The following PLCL2 variants were observed in gnomAD, a reference collection of about 807,000 sequenced individuals.
PLCL2 encodes phospholipase C like 2, also known as inactive phospholipase C-like protein 2.
In PLCL2, 4 loss-of-function variants were observed where a neutral mutation model predicts 79.6. The observed-to-expected ratio is 0.05, with a 90% confidence interval of 0.02 to 0.11. PLCL2 has a LOEUF of 0.11. Among genes scored for constraint, PLCL2 ranks in the 10% least tolerant of loss-of-function variants. PLCL2 has a pLI of 1.00. For synonymous variants in PLCL2, 484 were observed against 457.7 expected, an observed-to-expected ratio of 1.06 and a Z score of -0.73; for missense variants, 895 against 1,291.0, an observed-to-expected ratio of 0.69 and a Z score of 4.70.
At chr3:17,001,363 A>G (rs2064209298) in intron 1 of PLCL2, among the ~76,000 whole-genome samples, 2 of 151,984 alleles carry the variant, frequency 1.3e-5, no homozygotes, top group Admixed American at 1.3e-4. Context: ...TGTTTTTACA[A>G]ATGTAATCCC....
At chr3:17,013,184 C>T (rs898602507) in intron 2 of PLCL2, among the ~76,000 whole-genome samples, 1 of 152,262 alleles carries the variant, frequency 6.6e-6, no homozygotes. Context: ...GCGCATTGTC[C>T]ACTGCCCAGT....
At chr3:16,918,707 C>A (rs2124932988) in intron 1 of PLCL2, among the ~76,000 whole-genome samples, 1 of 152,242 alleles carries the variant, frequency 6.6e-6, no homozygotes. Flanking sequence ...AGTATAATGA[C>A]CTGGGCAAGG....
At chr3:16,974,589 G>A (rs1209726835) in intron 1 of PLCL2, among the ~76,000 whole-genome samples, 1 of 152,110 alleles carries the variant, frequency 6.6e-6, no homozygotes, top group Non-Finnish European at 1.5e-5. Flanking sequence ...ATGTCCAGGA[G>A]GCACCTTAAC....
intron 1 of PLCL2, chr3:16,933,262 C>G (rs1697452850): frequency 6.5e-6 from 1 of 154,806 alleles, no homozygotes; most frequent in South Asian, 2.0e-4. Flanking sequence ...TGCCACCTCT[C>G]CACAGCCTTG....
chr3:17,038,777 G>A (rs1316328057), intron 3 of PLCL2, among the ~76,000 whole-genome samples: 1 of 152,154 alleles, frequency 6.6e-6, no homozygotes, highest in Non-Finnish European at 1.5e-5. Context: ...GCACCTTTTA[G>A]GAGTTACAAA....
chr3:17,028,093 ACTC>A (rs1177427072), intron 3 of PLCL2, among the ~76,000 whole-genome samples: 2 of 152,122 alleles, frequency 1.3e-5, no homozygotes, highest in Admixed American at 6.6e-5. Context: ...TTTAAATAGT[ACTC>A]CTTCTCTCAG....
At chr3:16,927,624 A>T (rs1039552935) in intron 1 of PLCL2, among the ~76,000 whole-genome samples, 1 of 152,208 alleles carries the variant, frequency 6.6e-6, no homozygotes, top group Admixed American at 6.5e-5. Context: ...ACAATTTTGC[A>T]TTGATAATTA....
intron 5 of PLCL2, among the ~76,000 whole-genome samples, chr3:17,070,028 C>T (rs1264672567): frequency 6.6e-6 from 1 of 152,046 alleles, no homozygotes; most frequent in Non-Finnish European, 1.5e-5. Context: ...CAGATTAAGC[C>T]CTGTGGTAGG....
intron 1 of PLCL2, among the ~76,000 whole-genome samples, chr3:16,964,074 C>T (rs541019140): frequency 6.6e-6 from 1 of 151,904 alleles, no homozygotes; most frequent in African/African-American, 2.4e-5. Context: ...GCACAACGTG[C>T]AGGTTTGTTA....
chr3:17,044,324 T>C (rs887374853), intron 4 of PLCL2: 4 of 152,284 alleles, frequency 2.6e-5, no homozygotes, highest in African/African-American at 9.6e-5. Context: ...TAATCAGATT[T>C]GCACACATCA....
chr3:17,014,687 T>G (rs754667644), intron 2 of PLCL2, 21 bp from the exon 3 acceptor site: 10 of 1,582,630 alleles, frequency 6.3e-6, no homozygotes, highest in African/African-American at 1.3e-5. Flanking sequence ...TTACAAATGC[T>G]CCTTTCATTC....
chr3:16,991,076 C>T (rs970649180), intron 1 of PLCL2, among the ~76,000 whole-genome samples: 2 of 152,136 alleles, frequency 1.3e-5, no homozygotes, highest in Admixed American at 6.5e-5. Flanking sequence ...CCGGCTTTGC[C>T]CTTCTTCTTA....
intron 1 of PLCL2, among the ~76,000 whole-genome samples, chr3:17,002,722 G>A (rs2064222994): frequency 3.3e-5 from 5 of 151,920 alleles, no homozygotes; most frequent in Non-Finnish European, 7.4e-5. Flanking sequence ...CAGGGACTTT[G>A]TTTTCACGTA....
intron 1 of PLCL2, among the ~76,000 whole-genome samples, chr3:16,904,306 C>CAAAAAAAAAAAAAAAAAAAAAAAAAAAA (rs547582289): frequency 3.4e-5 from 4 of 116,124 alleles, no homozygotes; most frequent in Admixed American, 8.7e-5. Flanking sequence ...GAGATCTTGA[C>CAAAAAAAAAAAAAAAAAAAAAAAAAAAA]AAAAAAAAAA....
intron 5 of PLCL2, among the ~76,000 whole-genome samples, chr3:17,073,256 A>C (rs2065077880): frequency 6.6e-6 from 1 of 152,234 alleles, no homozygotes; most frequent in Non-Finnish European, 1.5e-5. Context: ...AAAGTGAGTC[A>C]CATGATTTTT....
At chr3:17,081,205 G>A (rs2124954261) in intron 5 of PLCL2, 1 of 456,756 alleles carries the variant, frequency 2.2e-6, no homozygotes, top group East Asian at 6.9e-5. Context: ...AGACAGGAAG[G>A]AGGAGTATTT....
At position 16,886,106 on chromosome 3, in the gene PLCL2, T is replaced by A. The variant is rs1696216102; in HGVS notation, c.327+740T>A. 6.6e-6 allele frequency among the ~76,000 whole-genome samples: 1 copy of A among 152,244 alleles called. No homozygotes were observed. The highest frequency in any genetic ancestry group is 1.5e-5 in the Non-Finnish European group (1 of 68,046). ...GAAAGCCAGCGATTGTTTTGAGCATTTTAAACTCAAGAAGTAATATTAGGA... is the reference window on the plus strand; with the variant it reads ...GAAAGCCAGCGATTGTTTTGAGCATATTAAACTCAAGAAGTAATATTAGGA... On this transcript the variant is annotated intron_variant, in intron 1 of 5. Coordinates refer to ENST00000615277, the MANE Select transcript of PLCL2 (RefSeq NM_001144382.2). The surrounding 1 kb of genome is among the most constrained non-coding windows in gnomAD (Gnocchi z 4.2).
chr3:16,908,452 C>G (rs574061958), intron 1 of PLCL2, among the ~76,000 whole-genome samples: 3 of 152,280 alleles, frequency 2.0e-5, no homozygotes, highest in Non-Finnish European at 4.4e-5. Context: ...CAATGGTTGA[C>G]GTGTCTCTTT....
At chr3:16,924,168 C>A (rs961563029) in intron 1 of PLCL2, among the ~76,000 whole-genome samples, 7 of 152,126 alleles carry the variant, frequency 4.6e-5, no homozygotes, top group African/African-American at 1.7e-4. Context: ...AATACTTCAT[C>A]CCTTTGCATA....
Sources: gnomAD v4.1 joint callset for allele counts (sites outside exome capture counted in the v4.1 genomes callset) on GRCh38, gnomAD v4.1.1 for gene constraint, Gnocchi (gnomAD v3.1) non-coding constraint, MANE v1.5 for transcripts, NCBI Gene and HGNC (gene_info 2026-07-23, HGNC 2026-07-21) for gene names.